The following GRIK2 variants were observed in gnomAD, a reference collection of about 807,000 sequenced individuals.
GRIK2 encodes the protein glutamate ionotropic receptor kainate type subunit 2.
A neutral mutation model predicts 100.3 loss-of-function variants in GRIK2; 32 were observed. The observed-to-expected ratio is 0.32, with a 90% CI of 0.24 to 0.43. GRIK2 has a LOEUF of 0.43. GRIK2 is among the 20% of genes least tolerant of loss of function. The pLI, the probability that GRIK2 is intolerant of heterozygous loss-of-function variation, is 1.00. For missense variants in GRIK2, 843 were observed against 1,114.9 expected (o/e 0.76, Z 3.47); for synonymous variants, 417 against 389.4 (o/e 1.07, Z -0.83).
intron 14 of GRIK2, among the ~76,000 whole-genome samples, chr6:101,966,791 A>G (rs1792703398): frequency 6.6e-6 from 1 of 152,144 alleles, no homozygotes; most frequent in African/African-American, 2.4e-5. Context: ...TAACAATTTA[A>G]TGGTTGATTT....
chr6:102,008,119 A>C (rs1310805695), intron 14 of GRIK2, among the ~76,000 whole-genome samples: 1 of 152,134 alleles, frequency 6.6e-6, no homozygotes, highest in Non-Finnish European at 1.5e-5. Flanking sequence ...TTTTATGCCA[A>C]GGAGATGGGC....
At chr6:101,456,159 A>C (rs889998418) in intron 2 of GRIK2, among the ~76,000 whole-genome samples, 1 of 151,790 alleles carries the variant, frequency 6.6e-6, no homozygotes, top group Non-Finnish European at 1.5e-5. Flanking sequence ...GCTGAAAGGC[A>C]TATGTGCATG....
chr6:101,403,275 C>T (rs532996578), intron 2 of GRIK2, among the ~76,000 whole-genome samples: 14 of 152,294 alleles, frequency 9.2e-5, no homozygotes, highest in Admixed American at 2.6e-4. Flanking sequence ...CCAAGGTTTC[C>T]TTGCCGAATT....
chr6:101,877,651 T>C (rs1785951254), intron 11 of GRIK2, among the ~76,000 whole-genome samples: 1 of 151,928 alleles, frequency 6.6e-6, no homozygotes, highest in Non-Finnish European at 1.5e-5. Flanking sequence ...ACAAAATAAG[T>C]ATTTGAATAG....
intron 13 of GRIK2, chr6:101,927,185 G>A (rs1789957500): frequency 6.5e-6 from 1 of 154,394 alleles, no homozygotes; most frequent in South Asian, 2.0e-4. Flanking sequence ...GCAATGGTAA[G>A]ATGAACTGCA....
chr6:101,581,983 T>C (rs1303550584), intron 2 of GRIK2, among the ~76,000 whole-genome samples: 1 of 152,082 alleles, frequency 6.6e-6, no homozygotes, highest in Non-Finnish European at 1.5e-5. Context: ...GTGGAGATAA[T>C]TGAATCATGG....
chr6:101,499,780 A>C, intron 2 of GRIK2, among the ~76,000 whole-genome samples: 1 of 152,150 alleles, frequency 6.6e-6, no homozygotes. Context: ...TAGTGTAAGC[A>C]TATACGCGTT....
intron 15 of GRIK2, among the ~76,000 whole-genome samples, chr6:102,045,923 T>C (rs939839290): frequency 6.6e-6 from 1 of 152,120 alleles, no homozygotes; most frequent in African/African-American, 2.4e-5. Flanking sequence ...GCATGTATTT[T>C]TAAAAAGATC....
At chr6:101,569,018 A>G (rs1777414310) in intron 2 of GRIK2, among the ~76,000 whole-genome samples, 1 of 152,014 alleles carries the variant, frequency 6.6e-6, no homozygotes, top group Admixed American at 6.6e-5. Flanking sequence ...CCCTCCATGA[A>G]AAAGTCTTGC....
chr6:101,435,460 C>T (rs1278505663), intron 2 of GRIK2, among the ~76,000 whole-genome samples: 1 of 151,090 alleles, frequency 6.6e-6, no homozygotes, highest in Non-Finnish European at 1.5e-5. Flanking sequence ...CAACCCCCTT[C>T]CCCTCAATCC....
At chr6:101,844,949 C>A (rs1010650314) in intron 10 of GRIK2, among the ~76,000 whole-genome samples, 2 of 152,086 alleles carry the variant, frequency 1.3e-5, no homozygotes, top group African/African-American at 4.8e-5. Flanking sequence ...ATTTTCATAA[C>A]CCCTAAAGAA....
chr6:101,792,186 T>C (rs1217803644), intron 7 of GRIK2, among the ~76,000 whole-genome samples: 1 of 151,624 alleles, frequency 6.6e-6, no homozygotes, highest in African/African-American at 2.4e-5. Flanking sequence ...GTCTTTTAAT[T>C]GGAGCATTTA....
Position 101,887,053 on chromosome 6 carries a change from C to T in GRIK2, c.1525-2587C>T, listed in dbSNP as rs149477567. Among the ~76,000 whole-genome samples, 1,313 of 151,738 alleles carry T rather than the reference C, an allele frequency of 8.7e-3. 17 individuals are homozygous for T. Among genetic ancestry groups the T allele is most frequent in the African/African-American group, 0.03 (1,256 of 41,374 alleles). On this transcript the variant is annotated intron_variant, in intron 11 of 16. Coordinates refer to ENST00000369134, the MANE Select transcript of GRIK2 (RefSeq NM_021956.5). Reference sequence around the variant, plus strand: ...CCATGTTGGCCAGGATGGTCTCGATCTCCTGACCTCATGATCAGCTCACCT... The same window carrying T: ...CCATGTTGGCCAGGATGGTCTCGATTTCCTGACCTCATGATCAGCTCACCT...
chr6:101,835,078 T>C (rs751990683), intron 10 of GRIK2, among the ~76,000 whole-genome samples: 7 of 152,198 alleles, frequency 4.6e-5, no homozygotes, highest in Non-Finnish European at 1.0e-4. Flanking sequence ...CTAGTGCCAA[T>C]AAGTATCTTT....
At chr6:101,754,625 A>G (rs1777010652) in intron 7 of GRIK2, among the ~76,000 whole-genome samples, 1 of 152,226 alleles carries the variant, frequency 6.6e-6, no homozygotes, top group Non-Finnish European at 1.5e-5. Flanking sequence ...TGCAATTACT[A>G]TCCATAAAAT....
chr6:101,517,054 C>G (rs1774622695), intron 2 of GRIK2, among the ~76,000 whole-genome samples: 1 of 152,056 alleles, frequency 6.6e-6, no homozygotes, highest in Non-Finnish European at 1.5e-5. Flanking sequence ...TTTCTGTTCT[C>G]TGCTCTAATT....
intron 7 of GRIK2, among the ~76,000 whole-genome samples, chr6:101,719,138 GTTTTTTTTTTTTTTTTTTTTTTTTTTTT>G (rs60301711): frequency 9.9e-6 from 1 of 101,170 alleles, no homozygotes; most frequent in Admixed American, 1.0e-4. Flanking sequence ...GGCTGCAAGG[GTTTTTTTTTTTTTTTTTTTTTTTTTTTT>G]TTTTTTTTTT....
At chr6:101,691,485 A>C (rs1235133454) in intron 7 of GRIK2, among the ~76,000 whole-genome samples, 2 of 151,882 alleles carry the variant, frequency 1.3e-5, no homozygotes, top group East Asian at 3.9e-4. Flanking sequence ...TTTGCTAAAG[A>C]TGGGTTTTCA....
chr6:101,584,689 T>G (rs539034671), intron 2 of GRIK2, among the ~76,000 whole-genome samples: 1 of 151,976 alleles, frequency 6.6e-6, no homozygotes, highest in Non-Finnish European at 1.5e-5. Flanking sequence ...ATATAACAGA[T>G]CTTCTAAATC....
Sources: allele counts gnomAD v4.1 joint callset (sites outside exome capture counted in the v4.1 genomes callset), GRCh38; gene constraint gnomAD v4.1.1; transcripts MANE v1.5; gene names NCBI Gene and HGNC (gene_info 2026-07-23, HGNC 2026-07-21).